AKAP6: variants seen among roughly 807,000 people sequenced by gnomAD.
AKAP6 encodes the protein A-kinase anchor protein 6.
A neutral mutation model predicts 188.5 loss-of-function variants in AKAP6; 58 were observed. The ratio of observed to expected loss-of-function variants is 0.31; its 90% CI spans 0.25 to 0.38. AKAP6 has a LOEUF of 0.38. Among genes scored for constraint, AKAP6 ranks in the 10% least tolerant of loss-of-function variants. AKAP6 has a pLI of 1.00. For missense variants in AKAP6, 2,710 were observed against 2,740.0 expected (o/e 0.99, Z 0.24); for synonymous variants, 989 against 998.6 (o/e 0.99, Z 0.18).
At chr14:32,764,658 C>T (rs1243854079) in intron 11 of AKAP6, among the ~76,000 whole-genome samples, 1 of 151,734 alleles carries the variant, frequency 6.6e-6, no homozygotes, top group Non-Finnish European at 1.5e-5. Context: ...CTCTGTGTCT[C>T]CATTTCCTCG....
At chr14:32,505,650 T>C (rs915328826) in intron 2 of AKAP6, among the ~76,000 whole-genome samples, 9 of 152,178 alleles carry the variant, frequency 5.9e-5, no homozygotes, top group African/African-American at 1.9e-4. Context: ...TTGAGTGTTA[T>C]GTGTAAAGTA....
rs141868686 is a variant in AKAP6, at chr14:32,594,676, C to A, written c.2470-4734C>A. On this transcript the variant is annotated intron_variant, in intron 5 of 13. Coordinates refer to ENST00000280979, the MANE Select transcript of AKAP6 (RefSeq NM_004274.5). ...GGCACAGCTCAGAGTGGAGCCTGGG[C>A]AGAGATGGCCTGAGGCAGATAGCAG... Among the ~76,000 whole-genome samples the A allele has an allele frequency of 7.2e-5, 11 of 152,282 alleles. No individual in the cohort carries two copies. In the East Asian group the frequency reaches 2.1e-3, roughly 29 times the overall value.
chr14:32,537,448 A>G (rs1300886649), intron 3 of AKAP6, among the ~76,000 whole-genome samples: 2 of 152,202 alleles, frequency 1.3e-5, no homozygotes, highest in Admixed American at 1.3e-4. Flanking sequence ...TAAATCTGAT[A>G]TCCTTGATAG....
rs370879504 is a variant in AKAP6 at position 32,603,427 on chromosome 14, T to A, written c.2730+2635T>A. 9.2e-5 allele frequency among the ~76,000 whole-genome samples: 14 copies of A among 152,200 alleles called. No individual in the cohort carries two copies. The East Asian group carries it at 2.3e-3, about 25-fold the overall frequency. ...AATCACCTTATTGTTTAGGGAGGCA[T>A]TGAGATAGAATGAAGTTGATAACAC... is the stretch of plus-strand genomic sequence containing the variant. On this transcript the variant is annotated intron_variant, in intron 7 of 13. Coordinates refer to ENST00000280979, the MANE Select transcript of AKAP6 (RefSeq NM_004274.5).
chr14:32,344,191 A>G (rs1356651736), intron 1 of AKAP6, among the ~76,000 whole-genome samples: 1 of 152,204 alleles, frequency 6.6e-6, no homozygotes, highest in Non-Finnish European at 1.5e-5. Flanking sequence ...GCCCAAGGCC[A>G]TGTCCCATGA....
At chr14:32,586,640 A>T (rs993922966) in intron 5 of AKAP6, among the ~76,000 whole-genome samples, 1 of 152,252 alleles carries the variant, frequency 6.6e-6, no homozygotes, top group African/African-American at 2.4e-5. Flanking sequence ...AAAAACACAA[A>T]GAAATATATC....
intron 7 of AKAP6, among the ~76,000 whole-genome samples, chr14:32,654,378 G>A (rs1286647701): frequency 6.6e-6 from 1 of 151,968 alleles, no homozygotes; most frequent in Non-Finnish European, 1.5e-5. Context: ...GGAATGAAAT[G>A]GCATTGACTA....
intron 5 of AKAP6, among the ~76,000 whole-genome samples, chr14:32,588,163 A>C (rs1885333554): frequency 1.3e-5 from 2 of 152,254 alleles, no homozygotes; most frequent in South Asian, 4.1e-4. Flanking sequence ...AAAAATGCAT[A>C]CACTTTAAGG....
At chr14:32,779,501 C>T (rs2033175759) in intron 12 of AKAP6, among the ~76,000 whole-genome samples, 1 of 148,636 alleles carries the variant, frequency 6.7e-6, no homozygotes, top group Non-Finnish European at 1.5e-5. Flanking sequence ...ATTAAGCTAA[C>T]ACAAACAGAG....
chr14:32,775,333 T>C (rs1465247662), intron 12 of AKAP6, among the ~76,000 whole-genome samples: 1 of 152,176 alleles, frequency 6.6e-6, no homozygotes, highest in Non-Finnish European at 1.5e-5. Context: ...CAAACTGCTT[T>C]GGAGGAGGCA....
At chr14:32,648,153 A>G (rs1888060048) in intron 7 of AKAP6, among the ~76,000 whole-genome samples, 1 of 152,116 alleles carries the variant, frequency 6.6e-6, no homozygotes, top group Non-Finnish European at 1.5e-5. Flanking sequence ...CCAGCTATGC[A>G]TTAAGTCCCA....
intron 2 of AKAP6, among the ~76,000 whole-genome samples, chr14:32,505,604 T>C (rs896689342): frequency 8.5e-5 from 13 of 152,170 alleles, no homozygotes; most frequent in African/African-American, 3.1e-4. Context: ...GTAATACTTA[T>C]TCTGTCTTTA....
At chr14:32,709,000 T>C (rs187576264) in intron 9 of AKAP6, among the ~76,000 whole-genome samples, 1 of 152,176 alleles carries the variant, frequency 6.6e-6, no homozygotes, top group Non-Finnish European at 1.5e-5. Flanking sequence ...TAAGTATAAA[T>C]GAGTCTCTAG....
At chr14:32,547,041 T>A in intron 4 of AKAP6, 42 bp downstream of exon 4, 1 of 1,531,020 alleles carries the variant, frequency 6.5e-7, no homozygotes, top group African/African-American at 1.4e-5. Context: ...TCACTTGAGT[T>A]TTGGAAGTAT....
intron 7 of AKAP6, among the ~76,000 whole-genome samples, chr14:32,654,201 T>C (rs1183833459): frequency 9.2e-5 from 14 of 152,190 alleles, no homozygotes; most frequent in Admixed American, 7.2e-4. Context: ...TATTGGTGTG[T>C]TGTTTGCAAC....
chr14:32,725,670 T>C (rs1430675468), intron 9 of AKAP6, among the ~76,000 whole-genome samples: 1 of 152,204 alleles, frequency 6.6e-6, no homozygotes, highest in African/African-American at 2.4e-5. Flanking sequence ...CTGTAATTGC[T>C]TTATTAAAAT....
chr14:32,659,505 G>A (rs1888597178), intron 7 of AKAP6, among the ~76,000 whole-genome samples: 1 of 152,048 alleles, frequency 6.6e-6, no homozygotes, highest in Admixed American at 6.6e-5. Flanking sequence ...TCATCACGTG[G>A]TGACAGCTCA....
chr14:32,438,418 C>A (rs1890459109), intron 2 of AKAP6, among the ~76,000 whole-genome samples: 1 of 152,138 alleles, frequency 6.6e-6, no homozygotes, highest in Non-Finnish European at 1.5e-5. Flanking sequence ...ATTTTATCTT[C>A]TGGTCATTGT....
Position 32,525,220 on chromosome 14 carries a change from A to G in AKAP6, c.325-10334A>G, listed in dbSNP as rs772878112. On this transcript the variant is annotated intron_variant, in intron 2 of 13. Coordinates refer to ENST00000280979, the MANE Select transcript of AKAP6 (RefSeq NM_004274.5). ...AGAAAAACAATTTCTCCAGTGTACA[A>G]TAACAATGGTCAGTTTTCCTCCAAA... Among the ~76,000 whole-genome samples the G allele has an allele frequency of 5.3e-5, 8 of 152,210 alleles. No individual in the cohort carries two copies. In the South Asian group the frequency reaches 1.5e-3, roughly 28 times the overall value.
Sources: allele counts gnomAD v4.1 joint callset (sites outside exome capture counted in the v4.1 genomes callset), GRCh38; gene constraint gnomAD v4.1.1; transcripts MANE v1.5; gene names NCBI Gene and HGNC (gene_info 2026-07-23, HGNC 2026-07-21).